Variants in TNFSF10 observed in about 807,000 individuals in gnomAD.
The protein encoded by TNFSF10 is TNF superfamily member 10.
A neutral mutation model predicts 29.5 loss-of-function variants in TNFSF10; 13 were observed. The ratio of observed to expected loss-of-function variants is 0.44; its 90% CI spans 0.29 to 0.70. The LOEUF (loss-of-function observed/expected upper bound fraction) is 0.70. TNFSF10 is among the 30% of genes least tolerant of loss of function. The pLI is 0.13. For synonymous variants in TNFSF10, 111 were observed against 112.8 expected, an observed-to-expected ratio of 0.98 and a Z score of 0.10; for missense variants, 345 against 330.9, an observed-to-expected ratio of 1.04 and a Z score of -0.33.
intron 2 of TNFSF10, among the ~76,000 whole-genome samples, chr3:172,513,834 A>ATTTTTTTTTTTTTTT (rs5854474): frequency 6.8e-6 from 1 of 146,590 alleles, no homozygotes; most frequent in Non-Finnish European, 1.5e-5. Flanking sequence ...GGCAGAAGCA[A>ATTTTTTTTTTTTTTT]TTTTTTTTTT....
At position 172,523,391 on chromosome 3, in the gene TNFSF10, G is replaced by T. The variant is rs774944709; in HGVS notation, c.-7C>A. ...GGACCTCCATCATAGCCATGATCCTGTCAGAGTCTGACTGCTGTAAGTCAG... is the reference window on the plus strand; with the variant it reads ...GGACCTCCATCATAGCCATGATCCTTTCAGAGTCTGACTGCTGTAAGTCAG... On this transcript the variant is annotated 5_prime_UTR_variant, in exon 1 of 5. Coordinates refer to ENST00000241261, the MANE Select transcript of TNFSF10 (RefSeq NM_003810.4). 8.1e-6 allele frequency: 13 copies of T among 1,610,020 alleles called. No individual in the cohort carries two copies. The highest frequency in any genetic ancestry group is 2.2e-5 in the East Asian group (1 of 44,780).
At chr3:172,518,530 C>G (rs1713542802) in intron 1 of TNFSF10, 10 of 1,206,932 alleles carry the variant, frequency 8.3e-6, no homozygotes, top group Non-Finnish European at 1.1e-5. Flanking sequence ...CCTTTTTCCT[C>G]CCCATCTATG....
chr3:172,519,905 T>C (rs1375531789), intron 1 of TNFSF10, among the ~76,000 whole-genome samples: 1 of 152,240 alleles, frequency 6.6e-6, no homozygotes, highest in Middle Eastern at 3.2e-3. Flanking sequence ...GCATGCACAG[T>C]GTACATCACA....
intron 1 of TNFSF10, 99 bp downstream of exon 1, chr3:172,523,154 A>G (rs1440609567): frequency 5.0e-6 from 7 of 1,406,168 alleles, no homozygotes; most frequent in Non-Finnish European, 6.7e-6. Flanking sequence ...GAAAGGAAGC[A>G]GGAAAGTCTT....
intron 4 of TNFSF10, 46 bp from the exon 5 acceptor site, chr3:172,506,965 T>C: frequency 7.0e-7 from 1 of 1,429,950 alleles, no homozygotes; most frequent in Non-Finnish European, 9.1e-7. Context: ...AGGGAATTTG[T>C]AGCAAAGCAA....
chr3:172,522,402 G>T, intron 1 of TNFSF10: 1 of 1,524,592 alleles, frequency 6.6e-7, no homozygotes, highest in Non-Finnish European at 9.1e-7. Flanking sequence ...TACTGCTGTG[G>T]AACAGATTTA....
intron 2 of TNFSF10, 141 bp from the exon 3 acceptor site, chr3:172,511,800 C>T (rs1257355452): frequency 3.1e-6 from 2 of 636,762 alleles, no homozygotes; most frequent in Non-Finnish European, 5.4e-6. Context: ...GTTGGTCAAG[C>T]ATAGGGTCTG....
At chr3:172,519,923 G>A (rs1350082130) in intron 1 of TNFSF10, among the ~76,000 whole-genome samples, 2 of 152,230 alleles carry the variant, frequency 1.3e-5, no homozygotes, top group Non-Finnish European at 2.9e-5. Context: ...ACAAGGTGTA[G>A]ATAGGTTAAC....
intron 1 of TNFSF10, among the ~76,000 whole-genome samples, chr3:172,521,861 G>A (rs2108451657): frequency 6.6e-6 from 1 of 152,340 alleles, no homozygotes; most frequent in African/African-American, 2.4e-5. Flanking sequence ...ATACTATGCA[G>A]CCATTAAAAA....
At chr3:172,511,993 G>A (rs1713243657) in intron 2 of TNFSF10, among the ~76,000 whole-genome samples, 1 of 152,228 alleles carries the variant, frequency 6.6e-6, no homozygotes, top group Non-Finnish European at 1.5e-5. Flanking sequence ...GCTGATGGGT[G>A]TGGCAGCCAT....
chr3:172,510,055 C>T (rs1577010594), intron 3 of TNFSF10, among the ~76,000 whole-genome samples: 1 of 151,336 alleles, frequency 6.6e-6, no homozygotes, highest in Admixed American at 6.6e-5. Flanking sequence ...AGTGTGCTTA[C>T]ATTGGTTGTA....
rs1713118614 is a variant in TNFSF10, at chr3:172,509,200, T to C, written c.418+17A>G. The C allele has an allele frequency of 6.3e-7, 1 of 1,598,508 alleles. No homozygotes were observed. Among genetic ancestry groups the C allele is most frequent in the Non-Finnish European group, 8.6e-7 (1 of 1,169,374 alleles). The stretch of plus-strand genomic sequence containing the variant: ...CCATTATTTTCCCTTAAGTCACTTA[T>C]TTGTTGTTTCTCTTACTTGGAGAAG... On this transcript the variant is annotated intron_variant, in intron 4 of 4. Coordinates refer to ENST00000241261, the MANE Select transcript of TNFSF10 (RefSeq NM_003810.4).
chr3:172,507,534 G>A (rs1312579427), intron 4 of TNFSF10: 2 of 152,128 alleles, frequency 1.3e-5, no homozygotes, highest in Admixed American at 6.6e-5. Context: ...CACACTCAAA[G>A]GTTTTGAATG....
At chr3:172,513,561 T>G (rs777768295) in intron 2 of TNFSF10, among the ~76,000 whole-genome samples, 1 of 152,186 alleles carries the variant, frequency 6.6e-6, no homozygotes, top group Non-Finnish European at 1.5e-5. Context: ...CCCATAGAAA[T>G]AGCATCTCAC....
chr3:172,511,731 C>T, intron 2 of TNFSF10, 72 bp from the exon 3 acceptor site: 4 of 1,331,444 alleles, frequency 3.0e-6, no homozygotes, highest in Non-Finnish European at 4.2e-6. Context: ...GCCTATGGCT[C>T]ATCTTGCTGA....
At chr3:172,514,424 G>T (rs1165159090) in intron 2 of TNFSF10, among the ~76,000 whole-genome samples, 1 of 151,658 alleles carries the variant, frequency 6.6e-6, no homozygotes, top group Non-Finnish European at 1.5e-5. Context: ...ATCTCTATAT[G>T]CATACAAAAA....
intron 1 of TNFSF10, among the ~76,000 whole-genome samples, chr3:172,515,411 T>C (rs1713388314): frequency 6.6e-6 from 1 of 152,200 alleles, no homozygotes; most frequent in Non-Finnish European, 1.5e-5. Context: ...CCTACCTAGA[T>C]ACAAGGTCGG....
Position 172,514,909 on chromosome 3 carries a change from G to A in TNFSF10, c.222C>T (p.Asn74=). Residue 74 remains asparagine, a synonymous_variant, in exon 2 of 5, where the codon AAC becomes AAT. Coordinates refer to ENST00000241261, the MANE Select transcript of TNFSF10 (RefSeq NM_003810.4). ...GCCACTTGACTTGCCAGCAGGGGCTGTTCATACTCTCTTCGTCATTGGGGT... is the reference window on the plus strand; with the variant it reads ...GCCACTTGACTTGCCAGCAGGGGCTATTCATACTCTCTTCGTCATTGGGGT... ...YWDPNDEESM[N]SPCWQVKWQL... The A allele has an allele frequency of 6.2e-7, 1 of 1,614,150 alleles. No individual in the cohort carries two copies. Among genetic ancestry groups the A allele is most frequent in the South Asian group, 1.1e-5 (1 of 91,088 alleles).
At position 172,514,975 on chromosome 3, in the gene TNFSF10, A is replaced by T. The variant is rs1169844668; in HGVS notation, c.156T>A (p.Ser52Arg). The T allele has an allele frequency of 1.9e-6, 3 of 1,614,144 alleles. No homozygotes were observed. The highest frequency in any genetic ancestry group is 3.3e-5 in the Admixed American group (2 of 60,010). ...LKQMQDKYSK[S>R]GIACFLKEDD... is the part of the protein sequence containing the mutation. Reference sequence around the variant, plus strand: ...CTTCTTTTAAGAAACAAGCAATGCCACTTTTGGAGTACTTGTCCTGCATCT... The same window carrying T: ...CTTCTTTTAAGAAACAAGCAATGCCTCTTTTGGAGTACTTGTCCTGCATCT... Residue 52 changes from serine to arginine, a missense_variant, in exon 2 of 5, where the codon AGT (serine) becomes AGA (arginine). Ser to Arg is a moderately radical substitution (Grantham distance 110). Coordinates refer to ENST00000241261, the MANE Select transcript of TNFSF10 (RefSeq NM_003810.4).
Sources: gnomAD v4.1 joint callset for allele counts (sites outside exome capture counted in the v4.1 genomes callset) on GRCh38, gnomAD v4.1.1 for gene constraint, MANE v1.5 for transcripts, NCBI Gene and HGNC (gene_info 2026-07-23, HGNC 2026-07-21) for gene names.